ADAM2: variants seen among roughly 807,000 people sequenced by gnomAD.
ADAM2 encodes the protein disintegrin and metalloproteinase domain-containing protein 2.
ADAM2 carries 101 observed loss-of-function variants against 99.3 expected under a neutral mutation model. That is an observed-to-expected ratio of 1.02 (90% confidence interval 0.87 to 1.20). ADAM2 has a LOEUF of 1.20. Ranked by LOEUF, ADAM2 falls within the 50% of genes most tolerant of loss-of-function variation. The pLI is 0.00. For missense variants in ADAM2, 948 were observed against 878.7 expected (o/e 1.08, Z -1.00); for synonymous variants, 323 against 287.6 (o/e 1.12, Z -1.25).
intron 6 of ADAM2, among the ~76,000 whole-genome samples, chr8:39,816,934 G>T (rs1233615462): frequency 1.3e-5 from 2 of 152,158 alleles, no homozygotes; most frequent in Non-Finnish European, 2.9e-5. Context: ...GCCAGATTTG[G>T]CCTGAGGGCC....
intron 3 of ADAM2, among the ~76,000 whole-genome samples, chr8:39,827,469 G>A (rs116413041): frequency 6.6e-6 from 1 of 152,168 alleles, no homozygotes; most frequent in African/African-American, 2.4e-5. Flanking sequence ...GTCAAGATAC[G>A]GAATCAAGCT....
At chr8:39,789,767 T>G (rs1803625058) in intron 7 of ADAM2, among the ~76,000 whole-genome samples, 1 of 151,092 alleles carries the variant, frequency 6.6e-6, no homozygotes, top group Non-Finnish European at 1.5e-5. Context: ...CCTTCAGAAA[T>G]GGTAAAAATA....
intron 1 of ADAM2, among the ~76,000 whole-genome samples, chr8:39,837,474 C>T (rs1159811266): frequency 6.6e-6 from 1 of 151,968 alleles, no homozygotes; most frequent in African/African-American, 2.4e-5. Flanking sequence ...GCAACCTCCG[C>T]CTCCCGGTTT....
chr8:39,837,642 C>T (rs1219044672), intron 1 of ADAM2, among the ~76,000 whole-genome samples: 1 of 152,120 alleles, frequency 6.6e-6, no homozygotes, highest in Admixed American at 6.5e-5. Flanking sequence ...TCCTCAGCCT[C>T]CCAAAGTGCT....
At position 39,788,707 on chromosome 8, in the gene ADAM2, C is replaced by A; in HGVS notation, c.604G>T (p.Ala202Ser). 1 of 1,578,294 alleles carries A rather than the reference C, an allele frequency of 6.3e-7. No individual in the cohort carries two copies. The highest frequency in any genetic ancestry group is 8.6e-7 in the Non-Finnish European group (1 of 1,159,412). ...NHMGSDTTVV[A>S]QKVFQLIGLT... The stretch of plus-strand genomic sequence containing the variant: ...CCAATCAACTGGAAAACTTTTTGAG[C>A]GACAACAGTTGTATCAGACCCCATA... Residue 202 changes from alanine to serine, a missense_variant, in exon 8 of 21, where the codon GCT becomes TCT. Transcript: ENST00000265708.
At chr8:39,755,233 T>A (rs901805430) in intron 16 of ADAM2, among the ~76,000 whole-genome samples, 1 of 152,160 alleles carries the variant, frequency 6.6e-6, no homozygotes, top group Non-Finnish European at 1.5e-5. Context: ...AATGAAAAAG[T>A]TACTAAATAA....
chr8:39,793,224 C>T lies in ADAM2; in HGVS notation c.571-4484G>A, dbSNP rs112725975. Among the ~76,000 whole-genome samples, 32 of 152,204 alleles carry T rather than the reference C, an allele frequency of 2.1e-4. 1 individual carries two copies. The highest frequency in any genetic ancestry group is 1.7e-3 in the Admixed American group (26 of 15,256). ...TGATAGTATTTAGGTCTGAAGTCTA[C>T]GTTCTGTGCCTTTTAAATGTTAATT... On this transcript the variant is annotated intron_variant, in intron 7 of 20. Coordinates refer to ENST00000265708, the MANE Select transcript of ADAM2 (RefSeq NM_001464.5).
At chr8:39,765,354 G>A (rs1802531749) in intron 14 of ADAM2, among the ~76,000 whole-genome samples, 1 of 151,530 alleles carries the variant, frequency 6.6e-6, no homozygotes, top group African/African-American at 2.4e-5. Context: ...TGAAAGAGAA[G>A]ACTCAAATAA....
chr8:39,785,983 T>C lies in ADAM2; in HGVS notation c.891+991A>G, dbSNP rs989672234. ...TAAACCATGGAATACTATGCAGCCA[T>C]AAAAAGAATCATAGCCTTTGCAGCA... On this transcript the variant is annotated intron_variant, in intron 10 of 20. Transcript: ENST00000265708. Among the ~76,000 whole-genome samples, 4 of 152,174 alleles carry C rather than the reference T, an allele frequency of 2.6e-5. No homozygotes were observed. The South Asian group carries it at 8.3e-4, about 32-fold the overall frequency.
At chr8:39,793,437 A>G (rs1021368986) in intron 7 of ADAM2, among the ~76,000 whole-genome samples, 1 of 152,140 alleles carries the variant, frequency 6.6e-6, no homozygotes, top group Non-Finnish European at 1.5e-5. Context: ...CTAACATTAA[A>G]GGGTGTTAAG....
intron 2 of ADAM2, among the ~76,000 whole-genome samples, chr8:39,834,876 G>T (rs1443257837): frequency 3.3e-5 from 5 of 151,782 alleles, no homozygotes; most frequent in African/African-American, 7.3e-5. Flanking sequence ...AACCAAGAAA[G>T]GATGTTAGAC....
At chr8:39,831,387 A>G (rs536565351) in intron 3 of ADAM2, among the ~76,000 whole-genome samples, 1 of 152,208 alleles carries the variant, frequency 6.6e-6, no homozygotes, top group South Asian at 2.1e-4. Context: ...CCATAAAACC[A>G]CCCCTGAAGA....
chr8:39,758,457 G>A (rs901373062), intron 15 of ADAM2, among the ~76,000 whole-genome samples: 1 of 151,358 alleles, frequency 6.6e-6, no homozygotes, highest in Non-Finnish European at 1.5e-5. Flanking sequence ...GCTAAAATTT[G>A]GAAAATTTGA....
At chr8:39,832,531 C>A (rs1586168418) in intron 3 of ADAM2, among the ~76,000 whole-genome samples, 2 of 152,238 alleles carry the variant, frequency 1.3e-5, no homozygotes, top group Middle Eastern at 3.4e-3. Flanking sequence ...TTGAATTTTA[C>A]TTTATTATAC....
chr8:39,814,830 T>TATATATATG (rs1804872049), intron 6 of ADAM2, among the ~76,000 whole-genome samples: 1 of 150,824 alleles, frequency 6.6e-6, no homozygotes, highest in African/African-American at 2.4e-5. Context: ...TAGAACTATA[T>TATATATATG]ATATATATGA....
chr8:39,834,033 A>G (rs1262792855), intron 2 of ADAM2, 34 bp from the exon 3 acceptor site: 1 of 1,209,228 alleles, frequency 8.3e-7, no homozygotes, highest in African/African-American at 1.5e-5. Context: ...TACAAAGAAA[A>G]TGAAAAAAAA....
intron 3 of ADAM2, among the ~76,000 whole-genome samples, chr8:39,828,490 G>A (rs1410242192): frequency 6.6e-6 from 1 of 151,516 alleles, no homozygotes; most frequent in Non-Finnish European, 1.5e-5. Flanking sequence ...AGATTCAATC[G>A]GATAGAGGCA....
chr8:39,783,153 G>T (rs1358982742), intron 10 of ADAM2, among the ~76,000 whole-genome samples: 1 of 151,872 alleles, frequency 6.6e-6, no homozygotes, highest in Non-Finnish European at 1.5e-5. Context: ...CTATTAGTTG[G>T]TTCTCATTTA....
At chr8:39,793,752 A>G (rs1803818806) in intron 7 of ADAM2, among the ~76,000 whole-genome samples, 1 of 152,120 alleles carries the variant, frequency 6.6e-6, no homozygotes, top group Non-Finnish European at 1.5e-5. Context: ...GATTGAGAGA[A>G]CATAAAAATA....
Sources: gnomAD v4.1 joint callset for allele counts (sites outside exome capture counted in the v4.1 genomes callset) on GRCh38, gnomAD v4.1.1 for gene constraint, MANE v1.5 for transcripts, NCBI Gene and HGNC (gene_info 2026-07-23, HGNC 2026-07-21) for gene names.